Variants in TMEM132D observed in about 807,000 individuals in gnomAD.
The protein encoded by TMEM132D is mature OL transmembrane protein.
TMEM132D carries 21 observed loss-of-function variants against 62.3 expected under a neutral mutation model. The ratio of observed to expected loss-of-function variants is 0.34; its 90% CI spans 0.24 to 0.49. The LOEUF is 0.49. TMEM132D is among the 20% of genes least tolerant of loss of function. TMEM132D has a pLI of 0.99. For synonymous variants in TMEM132D, 621 were observed against 575.6 expected (o/e 1.08, Z -1.13); for missense variants, 1,346 against 1,402.8 (o/e 0.96, Z 0.65).
intron 3 of TMEM132D, among the ~76,000 whole-genome samples, chr12:129,353,282 C>T (rs148395641): frequency 5.3e-5 from 8 of 152,172 alleles, no homozygotes; most frequent in African/African-American, 1.2e-4. Context: ...TGCACTAAGT[C>T]TACTTGGGGG....
At chr12:129,736,171 T>C (rs1270033151) in intron 1 of TMEM132D, among the ~76,000 whole-genome samples, 1 of 152,228 alleles carries the variant, frequency 6.6e-6, no homozygotes, top group Non-Finnish European at 1.5e-5. Flanking sequence ...AAACAAATTG[T>C]ATTTATTGCT....
At chr12:129,346,588 C>A (rs949628730) in intron 3 of TMEM132D, among the ~76,000 whole-genome samples, 1 of 152,060 alleles carries the variant, frequency 6.6e-6, no homozygotes, top group Non-Finnish European at 1.5e-5. Flanking sequence ...TATGAAAAAC[C>A]CATAGCCAGT....
At position 129,574,694 on chromosome 12, in the gene TMEM132D, C is replaced by A. The variant is rs533891601; in HGVS notation, c.969-43489G>T. ...TCACATAAGCCGTCAGCATCCACAG[C>A]GAGATGAAAACCCGAGAATATAGCT... On this transcript the variant is annotated intron_variant, in intron 2 of 8. Transcript: ENST00000422113. Among the ~76,000 whole-genome samples the A allele has an allele frequency of 2.0e-4, 30 of 151,668 alleles. No homozygotes were observed. The South Asian group carries it at 6.0e-3, about 31-fold the overall frequency.
At chr12:129,464,238 T>G (rs1277948728) in intron 3 of TMEM132D, among the ~76,000 whole-genome samples, 1 of 152,212 alleles carries the variant, frequency 6.6e-6, no homozygotes, top group Non-Finnish European at 1.5e-5. Context: ...ATGATGAGCA[T>G]TTTTTCATGT....
chr12:129,198,046 G>A (rs1232563938), intron 5 of TMEM132D, among the ~76,000 whole-genome samples: 2 of 152,074 alleles, frequency 1.3e-5, no homozygotes, highest in South Asian at 2.1e-4. Context: ...TCAACATCAC[G>A]AATCACTACG....
At chr12:129,243,184 T>C (rs991309201) in intron 4 of TMEM132D, among the ~76,000 whole-genome samples, 1 of 152,212 alleles carries the variant, frequency 6.6e-6, no homozygotes, top group Non-Finnish European at 1.5e-5. Context: ...TGAGCTATAG[T>C]ACCAATCATT....
intron 2 of TMEM132D, among the ~76,000 whole-genome samples, chr12:129,682,502 C>A (rs972244583): frequency 6.6e-6 from 1 of 152,100 alleles, no homozygotes; most frequent in African/African-American, 2.4e-5. Flanking sequence ...TTTGAAAATG[C>A]CATTTCTCCT....
chr12:129,144,526 C>G (rs985559741), intron 5 of TMEM132D, among the ~76,000 whole-genome samples: 5 of 152,154 alleles, frequency 3.3e-5, no homozygotes, highest in African/African-American at 7.2e-5. Flanking sequence ...CTAGCTTAGA[C>G]AGCCCTAGCT....
intron 3 of TMEM132D, among the ~76,000 whole-genome samples, chr12:129,473,148 C>G (rs1021497180): frequency 6.6e-6 from 1 of 151,998 alleles, no homozygotes; most frequent in African/African-American, 2.4e-5. Context: ...CAGGCGTGAG[C>G]CACTGCGCCC....
At chr12:129,368,178 A>T (rs958823265) in intron 3 of TMEM132D, among the ~76,000 whole-genome samples, 3 of 152,220 alleles carry the variant, frequency 2.0e-5, no homozygotes, top group African/African-American at 7.2e-5. Context: ...CTGGTGGCTC[A>T]AAGCTAAAGA....
chr12:129,802,539 C>A (rs367709885), intron 1 of TMEM132D, among the ~76,000 whole-genome samples: 1 of 110,736 alleles, frequency 9.0e-6, no homozygotes, highest in Non-Finnish European at 1.9e-5. Flanking sequence ...CTGAAGGAAG[C>A]GCTAAACATG....
intron 4 of TMEM132D, among the ~76,000 whole-genome samples, chr12:129,319,177 T>C (rs141664513): frequency 1.3e-5 from 2 of 152,328 alleles, no homozygotes; most frequent in African/African-American, 4.8e-5. Context: ...CTTCTCCATG[T>C]GGAGTTTTAC....
intron 3 of TMEM132D, among the ~76,000 whole-genome samples, chr12:129,522,356 C>T (rs905485099): frequency 2.0e-5 from 3 of 152,006 alleles, no homozygotes; most frequent in Non-Finnish European, 4.4e-5. Flanking sequence ...GTAAATAAAG[C>T]TTCTTCAGAT....
chr12:129,316,288 C>T (rs1255268166), intron 4 of TMEM132D, among the ~76,000 whole-genome samples: 1 of 152,012 alleles, frequency 6.6e-6, no homozygotes, highest in Non-Finnish European at 1.5e-5. Context: ...TTTAGGGTTA[C>T]AAACACTCCT....
In TMEM132D at chr12:129,078,769, C is replaced by G. The variant is rs1433858796; in HGVS notation, c.1924-44G>C. ...ATGACAAGGAAAGGCTTTCTGTGGT[C>G]CAGGCAATGCCTCCAGTCACAGGAG... On this transcript the variant is annotated intron_variant, in intron 7 of 8. Transcript: ENST00000422113. 17 of 1,588,820 alleles carry G rather than the reference C, an allele frequency of 1.1e-5. No homozygotes were observed. In the East Asian group the frequency reaches 3.8e-4, roughly 36 times the overall value.
intron 2 of TMEM132D, among the ~76,000 whole-genome samples, chr12:129,577,651 T>C (rs747899823): frequency 1.3e-5 from 2 of 149,848 alleles, no homozygotes; most frequent in African/African-American, 2.5e-5. Flanking sequence ...ATACCTAACG[T>C]TCAGTTTTTG....
At chr12:129,597,805 G>A (rs1478588698) in intron 2 of TMEM132D, among the ~76,000 whole-genome samples, 1 of 152,222 alleles carries the variant, frequency 6.6e-6, no homozygotes, top group East Asian at 1.9e-4. Context: ...TTTCCCATCC[G>A]CCTTGGACTA....
intron 1 of TMEM132D, among the ~76,000 whole-genome samples, chr12:129,838,273 C>T (rs978648741): frequency 4.6e-5 from 7 of 152,176 alleles, no homozygotes; most frequent in African/African-American, 1.7e-4. Flanking sequence ...AAAAGGACTG[C>T]CCAAGGTATG....
At chr12:129,235,717 T>C (rs1879761413) in intron 4 of TMEM132D, among the ~76,000 whole-genome samples, 2 of 152,206 alleles carry the variant, frequency 1.3e-5, no homozygotes, top group African/African-American at 4.8e-5. Flanking sequence ...GAAGGTGGAA[T>C]TGCTGGGTCA....
Sources: allele counts gnomAD v4.1 joint callset (sites outside exome capture counted in the v4.1 genomes callset), GRCh38; gene constraint gnomAD v4.1.1; transcripts MANE v1.5; gene names NCBI Gene and HGNC (gene_info 2026-07-23, HGNC 2026-07-21).